ZNF215: variants seen among roughly 807,000 people sequenced by gnomAD.
The protein encoded by ZNF215 is zinc finger protein 215, also known as BWSCR2-associated zinc finger protein 2.
A neutral mutation model predicts 27.2 loss-of-function variants in ZNF215; 24 were observed. The observed-to-expected ratio is 0.88, with a 90% CI of 0.64 to 1.24. The LOEUF (loss-of-function observed/expected upper bound fraction) is 1.24, where lower values mean the gene tolerates loss of function less well. Among genes scored for constraint, ZNF215 ranks in the 50% most tolerant of loss-of-function variants. The probability of loss-of-function intolerance (pLI) is 0.00; values close to 1 mark genes in which losing one functional copy is unlikely to be tolerated. For missense variants in ZNF215, 675 were observed against 605.7 expected (o/e 1.11, Z -1.20); for synonymous variants, 210 against 204.0 (o/e 1.03, Z -0.25).
chr11:6,973,081 G>A (rs1260310828), intron 5 of ZNF215, among the ~76,000 whole-genome samples: 2 of 151,958 alleles, frequency 1.3e-5, no homozygotes, highest in East Asian at 3.9e-4. Context: ...GGTGTGTGAT[G>A]TCCCCCTTCC....
downstream of ZNF215, among the ~76,000 whole-genome samples, chr11:6,962,800 G>A (rs547940410): frequency 6.6e-6 from 1 of 152,130 alleles, no homozygotes; most frequent in South Asian, 2.1e-4. Context: ...CTCTAATTCT[G>A]ATGCAAGTTT....
chr11:6,928,491 A>G (rs551990970), intron 2 of ZNF215, among the ~76,000 whole-genome samples: 40 of 152,230 alleles, frequency 2.6e-4, no homozygotes, highest in African/African-American at 8.9e-4. Flanking sequence ...CTTTTAATTC[A>G]TTATAATTTT....
chr11:6,949,140 G>A (rs1849943628), intron 6 of ZNF215, among the ~76,000 whole-genome samples: 1 of 150,890 alleles, frequency 6.6e-6, no homozygotes, highest in Admixed American at 6.6e-5. Context: ...TCTTAATCCA[G>A]TCTATCATTG....
intron 5 of ZNF215, among the ~76,000 whole-genome samples, chr11:6,970,430 T>C (rs929805964): frequency 8.5e-5 from 13 of 152,226 alleles, no homozygotes; most frequent in Admixed American, 7.2e-4. Flanking sequence ...AAATTGAACA[T>C]GGACTAAGTG....
At chr11:6,991,108 A>T (rs1214068880), downstream of ZNF215, among the ~76,000 whole-genome samples, 1 of 152,236 alleles carries the variant, frequency 6.6e-6, no homozygotes, top group Non-Finnish European at 1.5e-5. Context: ...AAGTGTTTTC[A>T]TCAACACCCT....
At chr11:6,960,544 G>A (rs1850495872), downstream of ZNF215, among the ~76,000 whole-genome samples, 1 of 152,122 alleles carries the variant, frequency 6.6e-6, no homozygotes, top group Non-Finnish European at 1.5e-5. Context: ...CAAAGATGAG[G>A]ATAATAGGGT....
At chr11:6,982,398 C>G (rs1415080418) in intron 5 of ZNF215, among the ~76,000 whole-genome samples, 1 of 151,900 alleles carries the variant, frequency 6.6e-6, no homozygotes, top group Non-Finnish European at 1.5e-5. Context: ...AGCTCTGCAC[C>G]AAGCAGACCT....
intron 5 of ZNF215, among the ~76,000 whole-genome samples, chr11:6,967,646 C>A (rs1271171893): frequency 6.6e-6 from 1 of 151,570 alleles, no homozygotes; most frequent in East Asian, 1.9e-4. Flanking sequence ...TTGTTTTTTT[C>A]TTGTGGATTT....
chr11:6,977,001 G>A (rs1850847957), intron 5 of ZNF215, among the ~76,000 whole-genome samples: 1 of 151,980 alleles, frequency 6.6e-6, no homozygotes, highest in South Asian at 2.1e-4. Context: ...TGGCATTCCT[G>A]GGCTTGTGGC....
At chr11:6,933,794 C>CAAAA (rs55667332) in intron 3 of ZNF215, among the ~76,000 whole-genome samples, 7 of 87,910 alleles carry the variant, frequency 8.0e-5, no homozygotes, top group African/African-American at 1.7e-4. Flanking sequence ...GACTCCATCT[C>CAAAA]AAAAAAAAAA....
At chr11:6,973,637 C>T (rs991432549) in intron 5 of ZNF215, among the ~76,000 whole-genome samples, 23 of 152,218 alleles carry the variant, frequency 1.5e-4, no homozygotes, top group African/African-American at 4.3e-4. Flanking sequence ...TTGCATTTCT[C>T]TGATGGCCAG....
intron 5 of ZNF215, among the ~76,000 whole-genome samples, chr11:6,963,206 T>A (rs895292255): frequency 1.3e-5 from 2 of 152,030 alleles, no homozygotes; most frequent in East Asian, 3.9e-4. Context: ...TCTCCTATTC[T>A]TTTATAGTCA....
At chr11:6,954,618 T>G (rs2133289301) in intron 6 of ZNF215, among the ~76,000 whole-genome samples, 1 of 152,292 alleles carries the variant, frequency 6.6e-6, no homozygotes, top group Admixed American at 6.5e-5. Flanking sequence ...AGTGACCCGA[T>G]TTTCCAGGTG....
chr11:6,987,707 G>A (rs1205512651), downstream of ZNF215, among the ~76,000 whole-genome samples: 6 of 152,218 alleles, frequency 3.9e-5, no homozygotes, highest in Non-Finnish European at 7.3e-5. Context: ...GATGCAGGTA[G>A]ATGATAAAGC....
rs1315545060 is a variant in ZNF215 at position 6,956,642 on chromosome 11, A to T, written c.*111A>T. 5.0e-6 allele frequency: 7 copies of T among 1,411,142 alleles called. No individual in the cohort carries two copies. In the Admixed American group the frequency reaches 1.9e-4, roughly 39 times the overall value. 87.4% of individuals were successfully genotyped at this position (1,411,142 alleles called of 1,614,324 possible). On this transcript the variant is annotated 3_prime_UTR_variant, in exon 7 of 7. Transcript: ENST00000278319. ...TATAATGTAAGAAAACATTTGTCAG[A>T]TTTTTCTTTAAATGATATCACAGAA... is the stretch of plus-strand genomic sequence containing the variant.
At position 6,941,525 on chromosome 11, in the gene ZNF215, C is replaced by T; in HGVS notation, c.401-46C>T. On this transcript the variant is annotated intron_variant, in intron 3 of 6. Coordinates refer to ENST00000278319, the MANE Select transcript of ZNF215 (RefSeq NM_013250.4). Reference sequence around the variant, plus strand: ...ACAACTATAATTATTAGAAGTTGCTCCAGGGCAAAACTTGTCTCCCTAATA... The same window carrying T: ...ACAACTATAATTATTAGAAGTTGCTTCAGGGCAAAACTTGTCTCCCTAATA... 3 of 1,564,242 alleles carry T rather than the reference C, an allele frequency of 1.9e-6. No homozygotes were observed. In the South Asian group the frequency reaches 3.5e-5, roughly 18 times the overall value.
intron 5 of ZNF215, among the ~76,000 whole-genome samples, chr11:6,972,718 G>T (rs1850742308): frequency 6.6e-6 from 1 of 152,092 alleles, no homozygotes; most frequent in Non-Finnish European, 1.5e-5. Flanking sequence ...AAATGCCAAA[G>T]AAATTTTGAC....
chr11:6,948,742 T>A, intron 6 of ZNF215, among the ~76,000 whole-genome samples: 1 of 152,158 alleles, frequency 6.6e-6, no homozygotes, highest in South Asian at 2.1e-4. Context: ...TGAAATTTAA[T>A]TTTTTTATTT....
downstream of ZNF215, among the ~76,000 whole-genome samples, chr11:6,989,831 C>T (rs1241633996): frequency 6.6e-6 from 1 of 152,124 alleles, no homozygotes; most frequent in Non-Finnish European, 1.5e-5. Flanking sequence ...TTCCCATGGA[C>T]CCTCAGGTCA....
Sources: gnomAD v4.1 joint callset for allele counts (sites outside exome capture counted in the v4.1 genomes callset) on GRCh38, gnomAD v4.1.1 for gene constraint, MANE v1.5 for transcripts, NCBI Gene and HGNC (gene_info 2026-07-23, HGNC 2026-07-21) for gene names.